Variants in C5orf15 observed in about 807,000 individuals in gnomAD.
C5orf15 encodes the protein keratinocyte-associated transmembrane protein 2.
C5orf15 carries 10 observed loss-of-function variants against 17.8 expected under a neutral mutation model. The ratio of observed to expected loss-of-function variants is 0.56; its 90% CI spans 0.35 to 0.95. The LOEUF (loss-of-function observed/expected upper bound fraction) is 0.95, where lower values mean the gene tolerates loss of function less well. C5orf15 is among the 40% of genes least tolerant of loss of function. The pLI is 0.02. For synonymous variants in C5orf15, 124 were observed against 131.0 expected (o/e 0.95, Z 0.36); for missense variants, 319 against 331.7 (o/e 0.96, Z 0.30).
chr5:133,963,847 A>C (rs1752155395), intron 1 of C5orf15, among the ~76,000 whole-genome samples: 1 of 152,186 alleles, frequency 6.6e-6, no homozygotes, highest in Non-Finnish European at 1.5e-5. Flanking sequence ...ATAGCCAAAA[A>C]CTGGAAACAA....
chr5:133,961,759 AATGCCAT>A (rs1752128778), intron 1 of C5orf15, among the ~76,000 whole-genome samples: 1 of 150,838 alleles, frequency 6.6e-6, no homozygotes, highest in Non-Finnish European at 1.5e-5. Context: ...ATATTTGTCC[AATGCCAT>A]ATGCAATTTT....
At chr5:133,963,719 C>T (rs534789312) in intron 1 of C5orf15, among the ~76,000 whole-genome samples, 1 of 152,312 alleles carries the variant, frequency 6.6e-6, no homozygotes, top group Admixed American at 6.5e-5. Flanking sequence ...GACTGGCAGA[C>T]TCAACTACAT....
At chr5:133,957,219 C>T (rs1031486210) in intron 2 of C5orf15, among the ~76,000 whole-genome samples, 6 of 151,866 alleles carry the variant, frequency 4.0e-5, no homozygotes, top group African/African-American at 1.5e-4. Flanking sequence ...ACAAAATTAG[C>T]CAGGCATGGA....
rs1223621554 is a variant in C5orf15, at chr5:133,956,813, A to T, written c.*46T>A. On this transcript the variant is annotated 3_prime_UTR_variant, in exon 3 of 3. Transcript: ENST00000231512. The stretch of plus-strand genomic sequence containing the variant: ...AAACATTTGCACAATATCATATAAA[A>T]AGTCAAGCAAATAAAATTACATAAG... 6.4e-7 allele frequency: 1 copy of T among 1,555,582 alleles called. No homozygotes were observed. The highest frequency in any genetic ancestry group is 2.3e-5 in the East Asian group (1 of 43,072).
At chr5:133,962,634 C>G (rs1283692798) in intron 1 of C5orf15, among the ~76,000 whole-genome samples, 1 of 152,186 alleles carries the variant, frequency 6.6e-6, no homozygotes, top group Non-Finnish European at 1.5e-5. Flanking sequence ...TCTTTGACCT[C>G]CTCTCTTCTC....
rs956007143 is a variant in C5orf15, at chr5:133,956,459, C to CA, written c.*399dup. The CA allele has an allele frequency of 8.1e-4, 125 of 154,302 alleles. No homozygotes were observed. Among genetic ancestry groups the CA allele is most frequent in the African/African-American group, 2.6e-3 (106 of 40,944 alleles). 9.6% of individuals were successfully genotyped at this position (154,302 alleles called of 1,614,324 possible). On this transcript the variant is annotated 3_prime_UTR_variant, in exon 3 of 3. Transcript: ENST00000231512. ...ATCCTTGTACATTACAGTTTGGGAACAAAAAAAAATGTGGATAAAAAATAG... is the reference window on the plus strand; with the variant it reads ...ATCCTTGTACATTACAGTTTGGGAACAAAAAAAAAATGTGGATAAAAAATAG...
In C5orf15 at chr5:133,956,676, C is replaced by A; in HGVS notation, c.*183G>T. 2.3e-6 allele frequency: 1 copy of A among 441,172 alleles called. No homozygotes were observed. Among genetic ancestry groups the A allele is most frequent in the Non-Finnish European group, 3.8e-6 (1 of 264,984 alleles). The allele number at this position is 441,172 out of a possible 1,614,324, so 27.3% of individuals were successfully genotyped here. A position where few individuals can be genotyped will look rare whatever the true frequency, so the allele number is the denominator to read the frequency against. On this transcript the variant is annotated 3_prime_UTR_variant, in exon 3 of 3. Coordinates refer to ENST00000231512, the MANE Select transcript of C5orf15 (RefSeq NM_020199.3). ...CACATTTTGGACACCTGATTAAACT[C>A]AGCTCTAAAAGTACAGATAAAAAAT...
At chr5:133,959,377 G>C (rs920522880) in intron 2 of C5orf15, 117 bp downstream of exon 2, 3 of 653,534 alleles carry the variant, frequency 4.6e-6, no homozygotes, top group Middle Eastern at 3.5e-4. Context: ...TTGGTTGACA[G>C]AGTGAAACCC....
intron 1 of C5orf15, among the ~76,000 whole-genome samples, chr5:133,966,177 C>T (rs959852391): frequency 6.6e-6 from 1 of 151,020 alleles, no homozygotes; most frequent in African/African-American, 2.4e-5. Context: ...GCCGAGATCA[C>T]GCCACTGCAC....
chr5:133,967,794 C>T (rs897268002), intron 1 of C5orf15, among the ~76,000 whole-genome samples: 5 of 152,106 alleles, frequency 3.3e-5, no homozygotes, highest in African/African-American at 1.2e-4. Context: ...TTATCAAACA[C>T]CAGAACCTCC....
In C5orf15 at chr5:133,959,858, G is replaced by A. The variant is rs143569735; in HGVS notation, c.302C>T (p.Ser101Phe). The change falls in exon 2 of 3, where the codon TCT becomes TTT. Residue 101 changes from serine (S) to phenylalanine (F), a missense_variant. Around this residue, in one of 3 missense-constraint regions of C5orf15, gnomAD observed 17 missense variants for 43.6 expected, o/e 0.39. Coordinates refer to ENST00000231512, the MANE Select transcript of C5orf15 (RefSeq NM_020199.3). The part of the protein sequence containing the change: ...TTSTKKSGGA[S>F]VVPHPSPTPL... ...AGTAGGCGAGGGATGAGGGACCACA[G>A]ATGCTCCTCCACTTTTCTTGGTACT... 1.6e-3 allele frequency: 2,544 copies of A among 1,614,130 alleles called. 7 individuals carry two copies. Among genetic ancestry groups the A allele is most frequent in the South Asian group, 2.4e-3 (217 of 91,054 alleles).
rs373876245 is a variant in C5orf15 at position 133,959,831 on chromosome 5, G to A, written c.329C>T (p.Pro110Leu). The change falls in exon 2 of 3, where the codon CCT (proline) becomes CTT (leucine). Residue 110 changes from proline (P) to leucine (L), a missense_variant. Physicochemically the swap from Pro to Leu is moderately conservative, Grantham distance 98. Around this residue, in one of 3 missense-constraint regions of C5orf15, gnomAD observed 175 missense variants for 192.4 expected, o/e 0.91. Transcript: ENST00000231512. ...ASVVPHPSPT[P>L]LSQEEADNNE... ...GTTATCAGCTTCCTCTTGAGACAGA[G>A]GAGTAGGCGAGGGATGAGGGACCAC... 1 of 1,614,010 alleles carries A rather than the reference G, an allele frequency of 6.2e-7. No individual in the cohort carries two copies. The highest frequency in any genetic ancestry group is 1.3e-5 in the African/African-American group (1 of 74,922).
At chr5:133,957,554 A>G (rs1370426467) in intron 2 of C5orf15, among the ~76,000 whole-genome samples, 1 of 152,220 alleles carries the variant, frequency 6.6e-6, no homozygotes, top group African/African-American at 2.4e-5. Flanking sequence ...TTTGATGTTC[A>G]TAATAGAGAT....
At chr5:133,957,553 C>A (rs184559796) in intron 2 of C5orf15, among the ~76,000 whole-genome samples, 71 of 152,268 alleles carry the variant, frequency 4.7e-4, no homozygotes, top group African/African-American at 1.7e-3. Flanking sequence ...CTTTGATGTT[C>A]ATAATAGAGA....
intron 1 of C5orf15, among the ~76,000 whole-genome samples, chr5:133,964,178 T>C (rs1752163456): frequency 6.6e-6 from 1 of 152,116 alleles, no homozygotes; most frequent in African/African-American, 2.4e-5. Flanking sequence ...GATCGTGCCA[T>C]TGCACTCCAG....
At chr5:133,957,787 G>A (rs1210122968) in intron 2 of C5orf15, among the ~76,000 whole-genome samples, 1 of 152,232 alleles carries the variant, frequency 6.6e-6, no homozygotes, top group Non-Finnish European at 1.5e-5. Flanking sequence ...AGGAAATCAA[G>A]GCCCCGAAGG....
intron 1 of C5orf15, 63 bp downstream of exon 1, chr5:133,968,383 G>A: frequency 6.4e-7 from 1 of 1,563,208 alleles, no homozygotes; most frequent in South Asian, 1.2e-5. Context: ...GGCCCGGCCT[G>A]TCTCCTGCCC....
chr5:133,968,361 C>T, intron 1 of C5orf15, 85 bp downstream of exon 1: 4 of 1,516,836 alleles, frequency 2.6e-6, no homozygotes, highest in Non-Finnish European at 3.6e-6. Context: ...CACTTGGAAG[C>T]GCCCTTTCCC....
intron 1 of C5orf15, among the ~76,000 whole-genome samples, chr5:133,965,395 A>G (rs1332600415): frequency 6.6e-6 from 1 of 152,244 alleles, no homozygotes; most frequent in Non-Finnish European, 1.5e-5. Flanking sequence ...ACACAAATAC[A>G]GCACAAGAAA....
Sources: allele counts gnomAD v4.1 joint callset (sites outside exome capture counted in the v4.1 genomes callset), GRCh38; gene constraint gnomAD v4.1.1; regional missense constraint gnomAD v4.1.1; transcripts MANE v1.5; gene names NCBI Gene and HGNC (gene_info 2026-07-23, HGNC 2026-07-21).